Variants in DDHD1 observed in about 807,000 individuals in gnomAD.
The protein encoded by DDHD1 is phospholipase DDHD1.
A neutral mutation model predicts 96.4 loss-of-function variants in DDHD1; 49 were observed. The observed-to-expected ratio is 0.51, with a 90% confidence interval of 0.40 to 0.64. The LOEUF is 0.64. DDHD1 is among the 30% of genes least tolerant of loss of function. DDHD1 has a pLI of 0.00. For missense variants in DDHD1, 1,106 were observed against 1,161.2 expected, an observed-to-expected ratio of 0.95 and a Z score of 0.69; for synonymous variants, 442 against 446.5, an observed-to-expected ratio of 0.99 and a Z score of 0.13.
rs1261720140 is a variant in DDHD1, at chr14:53,091,836, T to C, written c.1238A>G (p.His413Arg). The C allele has an allele frequency of 2.5e-6, 4 of 1,613,730 alleles. No individual in the cohort carries two copies. Among genetic ancestry groups the C allele is most frequent in the Non-Finnish European group, 3.4e-6 (4 of 1,179,876 alleles). Residue 413 changes from histidine to arginine, a missense_variant, in exon 4 of 13, where the codon CAT becomes CGT. His to Arg is a conservative substitution (Grantham distance 29). This residue lies in a region of DDHD1 where 650 missense variants were observed against 758.8 expected (regional missense o/e 0.86). Transcript: ENST00000673822. ...TTGGTCCATTTTCTGCCCAATGCCATGCACAACAAATACAATATGGGTAGT... is the reference window on the plus strand; with the variant it reads ...TTGGTCCATTTTCTGCCCAATGCCACGCACAACAAATACAATATGGGTAGT... Reference protein sequence around the residue: ...SQTTHIVFVVHGIGQKMDQGR... With the variant: ...SQTTHIVFVVRGIGQKMDQGR...
rs759996063 is a variant in DDHD1, at chr14:53,152,466, G to C, written c.633C>G (p.Asp211Glu). The C allele has an allele frequency of 1.2e-6, 2 of 1,613,008 alleles. No individual in the cohort carries two copies. Among genetic ancestry groups the C allele is most frequent in the Non-Finnish European group, 1.7e-6 (2 of 1,179,698 alleles). ...CCGTGGGGGAGCACACATGGTCGCC[G>C]TCCCGGTCCCCGCCCTGGGGCCGGG... Reference protein sequence around the residue: ...TGARPQGGDRDGDHVCSPTGP... With the variant: ...TGARPQGGDREGDHVCSPTGP... The change falls in exon 1 of 13, where the codon GAC (aspartate) becomes GAG (glutamate). Residue 211 changes from aspartate to glutamate, a missense_variant. Transcript: ENST00000673822.
chr14:53,108,666 G>A (rs1053313440), intron 1 of DDHD1, among the ~76,000 whole-genome samples: 18 of 152,224 alleles, frequency 1.2e-4, no homozygotes, highest in African/African-American at 3.6e-4. Context: ...TGCAGAAAGC[G>A]AAACCACAGC....
At chr14:53,097,615 C>G (rs545567966) in intron 2 of DDHD1, among the ~76,000 whole-genome samples, 1 of 152,108 alleles carries the variant, frequency 6.6e-6, no homozygotes, top group African/African-American at 2.4e-5. Context: ...AAACTTGAGA[C>G]TTTACTGCTT....
chr14:53,058,006 A>T (rs1308559376), intron 9 of DDHD1, among the ~76,000 whole-genome samples: 1 of 151,552 alleles, frequency 6.6e-6, no homozygotes, highest in African/African-American at 2.4e-5. Flanking sequence ...TGCCCAGCTA[A>T]TTTTTTGTAT....
chr14:53,065,516 G>C (rs1458254101), intron 6 of DDHD1, among the ~76,000 whole-genome samples: 1 of 152,188 alleles, frequency 6.6e-6, no homozygotes, highest in African/African-American at 2.4e-5. Flanking sequence ...ATGATCTCTT[G>C]ATAGTCTGAA....
At position 53,152,411 on chromosome 14, in the gene DDHD1, C is replaced by G. The variant is rs147832037; in HGVS notation, c.688G>C (p.Asp230His). 3.1e-6 allele frequency: 5 copies of G among 1,613,778 alleles called. No homozygotes were observed. The highest frequency in any genetic ancestry group is 4.2e-6 in the Non-Finnish European group (5 of 1,179,970). Residue 230 changes from aspartate (D) to histidine (H), a missense_variant, in exon 1 of 13, where the codon GAT becomes CAT. Physicochemically the swap from Asp to His is moderately conservative, Grantham distance 81. Around this residue, in one of 2 missense-constraint regions of DDHD1, gnomAD observed 456 missense variants for 402.4 expected, o/e 1.13. Coordinates refer to ENST00000673822, the MANE Select transcript of DDHD1 (RefSeq NM_001160148.2). ...GPASSSGEDD[D>H]EDRACGFCQS... is the part of the protein sequence containing the mutation. The stretch of plus-strand genomic sequence containing the variant: ...CAGAAGCCGCAGGCGCGGTCCTCAT[C>G]GTCATCTTCTCCGGAACTGGAGGCT...
Position 53,063,079 on chromosome 14 carries a change from A to G in DDHD1, c.1630T>C (p.Tyr544His). 6.2e-7 allele frequency: 1 copy of G among 1,614,120 alleles called. No individual in the cohort carries two copies. The highest frequency in any genetic ancestry group is 8.5e-7 in the Non-Finnish European group (1 of 1,179,988). ...VSHSLGCVIT[Y>H]DIMTGWNPVR... ...GGATTCCAGCCAGTCATTATGTCAT[A>G]AGTAATTACACATCCCAAGGAATGT... The change falls in exon 7 of 13, where the codon TAT (tyrosine) becomes CAT (histidine). Residue 544 changes from tyrosine (Y) to histidine (H), a missense_variant. Around this residue, in one of 2 missense-constraint regions of DDHD1, gnomAD observed 650 missense variants for 758.8 expected, o/e 0.86. Coordinates refer to ENST00000673822, the MANE Select transcript of DDHD1 (RefSeq NM_001160148.2).
At chr14:53,149,766 A>G (rs1324791658) in intron 1 of DDHD1, 2 of 152,216 alleles carry the variant, frequency 1.3e-5, no homozygotes, top group African/African-American at 4.8e-5. Context: ...AAGGTTGGAG[A>G]AAGGGAAGTC....
rs145030144 is a variant in DDHD1 at position 53,050,444 on chromosome 14, T to C, written c.2521+1400A>G. Among the ~76,000 whole-genome samples, 713 of 152,246 alleles carry C rather than the reference T, an allele frequency of 4.7e-3. 7 individuals carry two copies. Among genetic ancestry groups the C allele is most frequent in the African/African-American group, 0.016 (682 of 41,568 alleles). On this transcript the variant is annotated intron_variant, in intron 12 of 12. Coordinates refer to ENST00000673822, the MANE Select transcript of DDHD1 (RefSeq NM_001160148.2). ...ACAAATCTAGCCATTCATTTCTTTG[T>C]ATGAATGATTGAGACCTTTCTCCAG...
chr14:53,153,032 C>A lies in DDHD1; in HGVS notation c.67G>T (p.Ala23Ser). Residue 23 changes from alanine to serine, a missense_variant, in exon 1 of 13, where the codon GCC (alanine) becomes TCC (serine). Ala to Ser is a moderately conservative substitution (Grantham distance 99). Transcript: ENST00000673822. ...CTCGCGTCTGAGCCCAGCTCCCAGG[C>A]GCCGCCGCCGCCGCCTCGGCCGTTA... ...EHNGRGGGGGAWELGSDARPA... is the reference protein window; with the variant it reads ...EHNGRGGGGGSWELGSDARPA... 6.7e-7 allele frequency: 1 copy of A among 1,485,600 alleles called. No homozygotes were observed. The highest frequency in any genetic ancestry group is 8.9e-7 in the Non-Finnish European group (1 of 1,123,630). The allele number at this position is 1,485,600 out of a possible 1,614,324, so 92.0% of individuals were successfully genotyped here. A position where few individuals can be genotyped will look rare whatever the true frequency, so the allele number is the denominator to read the frequency against.
chr14:53,143,419 A>AT (rs1290566399), intron 1 of DDHD1, among the ~76,000 whole-genome samples: 1 of 152,212 alleles, frequency 6.6e-6, no homozygotes, highest in African/African-American at 2.4e-5. Context: ...CAGCAAGGCC[A>AT]TTTTTACTTT....
intron 4 of DDHD1, among the ~76,000 whole-genome samples, chr14:53,075,633 CA>C (rs1884890621): frequency 6.6e-6 from 1 of 152,170 alleles, no homozygotes; most frequent in Admixed American, 6.5e-5. Flanking sequence ...CACTAAACAA[CA>C]TATTCTCAAT....
chr14:53,055,998 G>A, intron 9 of DDHD1, 86 bp from the exon 10 acceptor site: 1 of 1,138,308 alleles, frequency 8.8e-7, no homozygotes, highest in Non-Finnish European at 1.2e-6. Flanking sequence ...TCTACTGCAT[G>A]TTAAGTAAAC....
intron 1 of DDHD1, among the ~76,000 whole-genome samples, chr14:53,135,645 G>A (rs1890179189): frequency 2.0e-5 from 3 of 152,186 alleles, no homozygotes; most frequent in African/African-American, 7.2e-5. Context: ...TGAACAGGAA[G>A]GCACATAGGA....
intron 1 of DDHD1, among the ~76,000 whole-genome samples, chr14:53,144,503 T>C (rs1012102368): frequency 1.3e-5 from 2 of 152,242 alleles, no homozygotes; most frequent in African/African-American, 4.8e-5. Flanking sequence ...GTCTTTGGTT[T>C]GAAGTAGATT....
chr14:53,090,442 C>G lies in DDHD1; in HGVS notation c.1289+1343G>C, dbSNP rs1167408367. 6.6e-5 allele frequency among the ~76,000 whole-genome samples: 10 copies of G among 152,148 alleles called. 1 individual carries two copies. Among genetic ancestry groups the G allele is most frequent in the Admixed American group, 6.5e-4 (10 of 15,270 alleles). On this transcript the variant is annotated intron_variant, in intron 4 of 12. Transcript: ENST00000673822. ...ATGCACACGTATGTTTATTGCGGCA[C>G]TATTCACAATAGCAAAGACTTGGAA...
At chr14:53,150,643 T>C (rs1891279220) in intron 1 of DDHD1, among the ~76,000 whole-genome samples, 1 of 152,194 alleles carries the variant, frequency 6.6e-6, no homozygotes, top group Admixed American at 6.5e-5. Context: ...GGATACCCTG[T>C]ATTTTTATCC....
At chr14:53,138,665 C>T (rs1220099460) in intron 1 of DDHD1, among the ~76,000 whole-genome samples, 3 of 152,050 alleles carry the variant, frequency 2.0e-5, no homozygotes, top group Non-Finnish European at 2.9e-5. Flanking sequence ...TAAGTACTTG[C>T]TTACTTAGGG....
Position 53,108,578 on chromosome 14 carries a change from A to C in DDHD1, c.839-4722T>G, listed in dbSNP as rs117210534. ...CAAAAAAACCAAAACCAAAAAACAA[A>C]AACAATTTAAAATTGCTTATTTCTG... On this transcript the variant is annotated intron_variant, in intron 1 of 12. Coordinates refer to ENST00000673822, the MANE Select transcript of DDHD1 (RefSeq NM_001160148.2). Among the ~76,000 whole-genome samples the C allele has an allele frequency of 1.1e-4, 17 of 152,284 alleles. No individual in the cohort carries two copies. The East Asian group carries it at 3.3e-3, about 29-fold the overall frequency.
Sources: gnomAD v4.1 joint callset for allele counts (sites outside exome capture counted in the v4.1 genomes callset) on GRCh38, gnomAD v4.1.1 for gene constraint, gnomAD v4.1.1 regional missense constraint, MANE v1.5 for transcripts, NCBI Gene and HGNC (gene_info 2026-07-23, HGNC 2026-07-21) for gene names.